NLRP2: variants seen among roughly 807,000 people sequenced by gnomAD.
NLRP2 encodes NACHT, LRR and PYD domains-containing protein 2.
Under a neutral mutation model 97.2 loss-of-function variants are expected in NLRP2, and 107 were observed. The observed-to-expected ratio is 1.10, with a 90% CI of 0.94 to 1.29. The LOEUF (loss-of-function observed/expected upper bound fraction) is 1.29. Ranked by LOEUF, NLRP2 falls within the 50% of genes most tolerant of loss-of-function variation. The probability of loss-of-function intolerance (pLI) is 0.00; values close to 1 mark genes in which losing one functional copy is unlikely to be tolerated. For missense variants in NLRP2, 1,495 were observed against 1,330.3 expected (o/e 1.12, Z -1.93); for synonymous variants, 663 against 551.5 (o/e 1.20, Z -2.83).
intron 1 of NLRP2, 86 bp from the exon 2 acceptor site, chr19:54,969,913 T>A (rs145324058): frequency 1.5e-6 from 2 of 1,344,924 alleles, no homozygotes; most frequent in African/African-American, 2.8e-5. Flanking sequence ...GTGAGTGTCC[T>A]TGTTCGTGGC....
At chr19:54,972,178 A>G (rs536804255) in intron 2 of NLRP2, among the ~76,000 whole-genome samples, 2 of 143,052 alleles carry the variant, frequency 1.4e-5, no homozygotes, top group Admixed American at 1.4e-4. Flanking sequence ...TTTCTACCCC[A>G]TAACTTTTTT....
chr19:54,978,116 T>G (rs895948749), intron 4 of NLRP2, among the ~76,000 whole-genome samples: 2 of 152,114 alleles, frequency 1.3e-5, no homozygotes, highest in African/African-American at 4.8e-5. Context: ...TGGAATGCAA[T>G]GGCGCGATCT....
chr19:54,973,344 GTTTTTTTTT>G (rs10673643), intron 2 of NLRP2, among the ~76,000 whole-genome samples: 5 of 92,554 alleles, frequency 5.4e-5, no homozygotes, highest in African/African-American at 1.8e-4. Context: ...ATGGGTGAGG[GTTTTTTTTT>G]TTTTTTTTTT....
At chr19:54,979,014 T>C (rs962019948) in intron 4 of NLRP2, among the ~76,000 whole-genome samples, 1 of 151,664 alleles carries the variant, frequency 6.6e-6, no homozygotes, top group African/African-American at 2.4e-5. Flanking sequence ...AAATAGAGTC[T>C]CACTCTGTCA....
Position 54,998,570 on chromosome 19 carries a change from T to C in NLRP2, c.3050+1083T>C, listed in dbSNP as rs189450366. Among the ~76,000 whole-genome samples the C allele has an allele frequency of 5.7e-3, 859 of 149,926 alleles. 10 individuals carry two copies. The highest frequency in any genetic ancestry group is 0.021 in the African/African-American group (826 of 40,044). ...TTGTTTGTTTATTTATTATTTATTT[T>C]GGAGACAGTTTTACTCTTTTTTTTG... On this transcript the variant is annotated intron_variant, in intron 12 of 12. Transcript: ENST00000448584.
rs776270073 is a variant in NLRP2, at chr19:54,985,144, T to C, written c.2128T>C (p.Phe710Leu). 4 of 1,614,160 alleles carry C rather than the reference T, an allele frequency of 2.5e-6. No homozygotes were observed. Among genetic ancestry groups the C allele is most frequent in the Non-Finnish European group, 3.4e-6 (4 of 1,180,008 alleles). ...DLMGLAINDSFLSASLVRILC... is the reference protein window; with the variant it reads ...DLMGLAINDSLLSASLVRILC... ...GATGGGTCTAGCAATCAATGATAGC[T>C]TTCTCAGTGCCTCCCTAGTAAGGAT... Residue 710 changes from phenylalanine to leucine, a missense_variant, in exon 7 of 13, where the codon TTT becomes CTT. Phe to Leu is a conservative substitution (Grantham distance 22). Transcript: ENST00000448584.
intron 12 of NLRP2, among the ~76,000 whole-genome samples, 167 bp from the exon 13 acceptor site, chr19:55,000,593 A>T (rs1250473443): frequency 1.3e-4 from 10 of 79,078 alleles, no homozygotes; most frequent in Middle Eastern, 9.8e-3. Context: ...ACTGTCTTTT[A>T]AAAAAAAAAA....
rs146037192 is a variant in NLRP2, at chr19:54,990,084, A to G, written c.2429A>G (p.Asn810Ser). The change falls in exon 9 of 13, where the codon AAC becomes AGC. Residue 810 changes from asparagine (N) to serine (S), a missense_variant. By Grantham distance (46) the Asn-to-Ser change is conservative. Coordinates refer to ENST00000448584, the MANE Select transcript of NLRP2 (RefSeq NM_017852.5). ...GATCTCTCCTTGGCCCTTGAAGTCA[A>G]CCAGTCCCTGACGTGCGTAAACCTC... ...WADLSLALEV[N>S]QSLTCVNLSD... 105 of 1,614,122 alleles carry G rather than the reference A, an allele frequency of 6.5e-5. No individual in the cohort carries two copies. In the East Asian group the frequency reaches 8.9e-4, roughly 14 times the overall value.
rs750563035 is a variant in NLRP2, at chr19:54,981,629, C to G, written c.410C>G (p.Thr137Arg). The G allele has an allele frequency of 1.2e-5, 19 of 1,564,630 alleles. No homozygotes were observed. Among genetic ancestry groups the G allele is most frequent in the Non-Finnish European group, 1.6e-5 (18 of 1,144,818 alleles). The change falls in exon 5 of 13, where the codon ACG becomes AGG. Residue 137 changes from threonine (T) to arginine (R), a missense_variant. Coordinates refer to ENST00000448584, the MANE Select transcript of NLRP2 (RefSeq NM_017852.5). ...FKTEAQAFTE[T>R]KGNVICLGKE... ...TTGTATTTTGTAGCGTTTACAGAAA[C>G]GAAAGGAAATGTCATCTGCCTGGGT... is the stretch of plus-strand genomic sequence containing the variant.
In NLRP2 at chr19:54,983,652, A is replaced by C; in HGVS notation, c.1954A>C (p.Lys652Gln). The change falls in exon 6 of 13, where the codon AAA becomes CAA. Residue 652 changes from lysine (K) to glutamine (Q), a missense_variant. Lys to Gln is a moderately conservative substitution (Grantham distance 53). Transcript: ENST00000448584. The part of the protein sequence containing the change: ...FCVKHCRNLQ[K>Q]MSLQVIKENL... ...CGTCAAGCACTGTCGAAACCTGCAG[A>C]AAATGTCACTGCAGGTAATAAAGGA... The C allele has an allele frequency of 6.2e-7, 1 of 1,614,126 alleles. No individual in the cohort carries two copies.
rs141367081 is a variant in NLRP2 at position 54,986,712 on chromosome 19, G to A, written c.2366+397G>A. 4.6e-5 allele frequency among the ~76,000 whole-genome samples: 7 copies of A among 151,964 alleles called. No individual in the cohort carries two copies. The East Asian group carries it at 1.2e-3, about 25-fold the overall frequency. ...ATTACAGGCACCCGCCACCACGCCC[G>A]GCTAATTTTTGTGCATTTAGTGGAG... On this transcript the variant is annotated intron_variant, in intron 8 of 12. Transcript: ENST00000448584.
intron 8 of NLRP2, among the ~76,000 whole-genome samples, chr19:54,988,964 GTT>G (rs952055610): frequency 1.3e-5 from 2 of 151,998 alleles, no homozygotes; most frequent in African/African-American, 4.8e-5. Flanking sequence ...GAAGTCAGGA[GTT>G]TTTTGTTTTG....
At chr19:54,977,844 T>C (rs761324901) in intron 4 of NLRP2, 21 bp downstream of exon 4, 1 of 1,611,358 alleles carries the variant, frequency 6.2e-7, no homozygotes, top group Non-Finnish European at 8.5e-7. Context: ...GGACCTCCAA[T>C]GTTGGAGTCA....
chr19:54,986,506 A>G, intron 8 of NLRP2, 191 bp downstream of exon 8: 1 of 634,582 alleles, frequency 1.6e-6, no homozygotes, highest in South Asian at 1.8e-5. Context: ...ACCCTGGACA[A>G]CCATACGTGA....
At chr19:54,996,452 G>A (rs1396202181) in intron 11 of NLRP2, among the ~76,000 whole-genome samples, 1 of 152,012 alleles carries the variant, frequency 6.6e-6, no homozygotes, top group Non-Finnish European at 1.5e-5. Context: ...ACAGTGAGCC[G>A]AGATCATGCC....
chr19:54,977,858 G>A, intron 4 of NLRP2, 35 bp downstream of exon 4: 1 of 1,594,422 alleles, frequency 6.3e-7, no homozygotes, highest in African/African-American at 1.3e-5. Context: ...GGAGTCAGCT[G>A]AGGAAGCCCC....
In NLRP2 at chr19:55,000,792, A is replaced by G. The variant is rs113044431; in HGVS notation, c.3083A>G (p.Asn1028Ser). 1.8e-4 allele frequency: 284 copies of G among 1,613,756 alleles called. 5 individuals carry two copies. In the African/African-American group the frequency reaches 2.4e-3, roughly 14 times the overall value. The change falls in exon 13 of 13, where the codon AAT becomes AGT. Residue 1028 changes from asparagine to serine, a missense_variant. Transcript: ENST00000448584. ...ATCGATGACTTTAATGATGAACTCA[A>G]TAAGCTGCTGGAAGAAATAGAAGAA... is the stretch of plus-strand genomic sequence containing the variant. ...LKIDDFNDEL[N>S]KLLEEIEEKN...
intron 3 of NLRP2, among the ~76,000 whole-genome samples, chr19:54,976,509 G>A (rs576025498): frequency 6.6e-6 from 1 of 151,516 alleles, no homozygotes; most frequent in Non-Finnish European, 1.5e-5. Flanking sequence ...ACCACGTCTG[G>A]CTAATTTTTG....
At chr19:54,988,527 C>G (rs574701822) in intron 8 of NLRP2, among the ~76,000 whole-genome samples, 9 of 152,192 alleles carry the variant, frequency 5.9e-5, no homozygotes, top group Admixed American at 3.3e-4. Context: ...TCTCAAACTC[C>G]TGACCTCGGG....
Sources: allele counts gnomAD v4.1 joint callset (sites outside exome capture counted in the v4.1 genomes callset), GRCh38; gene constraint gnomAD v4.1.1; transcripts MANE v1.5; gene names NCBI Gene and HGNC (gene_info 2026-07-23, HGNC 2026-07-21).